Variants in BCL7C observed in about 807,000 individuals in gnomAD.
BCL7C encodes B-cell CLL/lymphoma 7 protein family member C.
In BCL7C, 8 loss-of-function variants were observed where a neutral mutation model predicts 26.2. The observed-to-expected ratio is 0.30, with a 90% CI of 0.18 to 0.55. BCL7C has a LOEUF of 0.55. Among genes scored for constraint, BCL7C ranks in the 20% least tolerant of loss-of-function variants. The pLI is 0.93. For missense variants in BCL7C, 262 were observed against 298.5 expected (o/e 0.88, Z 0.90); for synonymous variants, 90 against 116.5 (o/e 0.77, Z 1.47).
intron 5 of BCL7C, among the ~76,000 whole-genome samples, chr16:30,867,684 TCAGG>T (rs1395693645): frequency 4.6e-5 from 7 of 151,956 alleles, no homozygotes; most frequent in African/African-American, 1.7e-4. Context: ...TCCCAGCTAC[TCAGG>T]AGGCTGAGAC....
intron 5 of BCL7C, among the ~76,000 whole-genome samples, chr16:30,870,001 G>A (rs2054868938): frequency 6.6e-6 from 1 of 152,226 alleles, no homozygotes; most frequent in Non-Finnish European, 1.5e-5. Flanking sequence ...GAATCCATGT[G>A]TATGAATACA....
intron 5 of BCL7C, among the ~76,000 whole-genome samples, chr16:30,846,239 T>TATTTATTTA (rs1567308533): frequency 3.4e-5 from 5 of 148,630 alleles, no homozygotes; most frequent in African/African-American, 1.3e-4. Context: ...TTTATTTATT[T>TATTTATTTA]TTTGGAGATG....
intron 5 of BCL7C, among the ~76,000 whole-genome samples, chr16:30,850,992 A>G (rs1196129662): frequency 6.6e-6 from 1 of 152,246 alleles, no homozygotes; most frequent in Non-Finnish European, 1.5e-5. Flanking sequence ...AGGCTCAAAC[A>G]CATATTTATT....
At chr16:30,867,430 T>C (rs2054838451) in intron 5 of BCL7C, among the ~76,000 whole-genome samples, 2 of 152,062 alleles carry the variant, frequency 1.3e-5, no homozygotes, top group Non-Finnish European at 2.9e-5. Flanking sequence ...GTTTACATGG[T>C]GAAGGGATTT....
intron 5 of BCL7C, among the ~76,000 whole-genome samples, chr16:30,872,546 C>T (rs1360610352): frequency 3.3e-5 from 5 of 152,162 alleles, no homozygotes; most frequent in African/African-American, 1.2e-4. Context: ...AGGGTGAAAG[C>T]CCCAGTGGCA....
intron 5 of BCL7C, among the ~76,000 whole-genome samples, chr16:30,857,168 C>T (rs1028641209): frequency 3.9e-5 from 6 of 151,962 alleles, no homozygotes; most frequent in Non-Finnish European, 8.8e-5. Flanking sequence ...GCGGGCAGAT[C>T]ACATGAGGTC....
chr16:30,892,489 A>C, intron 4 of BCL7C, 97 bp downstream of exon 4: 2 of 1,309,580 alleles, frequency 1.5e-6, no homozygotes, highest in Non-Finnish European at 1.0e-6. Flanking sequence ...AGGAGGGTGC[A>C]CAAGACGGGG....
rs972410146 is a variant in BCL7C at position 30,860,701 on chromosome 16, C to T, written c.529-25553G>A. Among the ~76,000 whole-genome samples the T allele has an allele frequency of 1.1e-4, 17 of 152,144 alleles. 1 individual carries two copies. Among genetic ancestry groups the T allele is most frequent in the Admixed American group, 1.0e-3 (16 of 15,272 alleles). On this transcript the variant is annotated intron_variant, in intron 5 of 5. Coordinates refer to the BCL7C transcript ENST00000380317. Reference sequence around the variant, plus strand: ...TGGCTGACATCTAGGCATTCTTTTACACATCAGTCCCTCCCTAGTCTCTGC... The same window carrying T: ...TGGCTGACATCTAGGCATTCTTTTATACATCAGTCCCTCCCTAGTCTCTGC...
intron 5 of BCL7C, among the ~76,000 whole-genome samples, chr16:30,854,220 A>G (rs567332977): frequency 1.3e-5 from 2 of 152,358 alleles, no homozygotes; most frequent in South Asian, 2.1e-4. Flanking sequence ...GAATATCACC[A>G]GTAAAAGGAG....
intron 5 of BCL7C, among the ~76,000 whole-genome samples, chr16:30,863,039 T>G (rs1398856771): frequency 3.3e-5 from 5 of 152,134 alleles, no homozygotes; most frequent in African/African-American, 1.2e-4. Context: ...CAACTTGACC[T>G]TACTGTTTTA....
At chr16:30,879,979 G>C (rs1026237255) in intron 5 of BCL7C, among the ~76,000 whole-genome samples, 2 of 144,358 alleles carry the variant, frequency 1.4e-5, no homozygotes, top group African/African-American at 2.5e-5. Context: ...GACAGAGCGT[G>C]ATTCCGTCTC....
chr16:30,864,508 C>G (rs1180318160), intron 5 of BCL7C, among the ~76,000 whole-genome samples: 1 of 152,186 alleles, frequency 6.6e-6, no homozygotes, highest in Non-Finnish European at 1.5e-5. Flanking sequence ...TCAGTTTAAT[C>G]TCTCCCACTG....
At chr16:30,858,441 C>T (rs2054742814) in intron 5 of BCL7C, among the ~76,000 whole-genome samples, 1 of 152,130 alleles carries the variant, frequency 6.6e-6, no homozygotes, top group Non-Finnish European at 1.5e-5. Context: ...GACATGGGCT[C>T]TAAGTTTATG....
chr16:30,858,962 G>A (rs1289534340), intron 5 of BCL7C, among the ~76,000 whole-genome samples: 1 of 152,116 alleles, frequency 6.6e-6, no homozygotes, highest in Non-Finnish European at 1.5e-5. Context: ...ATCCTCTAAG[G>A]GTGCCCATCT....
chr16:30,874,222 C>A (rs1285442326), intron 5 of BCL7C, among the ~76,000 whole-genome samples: 1 of 151,964 alleles, frequency 6.6e-6, no homozygotes, highest in Non-Finnish European at 1.5e-5. Flanking sequence ...TCTTGAACTC[C>A]TGACCTCAAG....
intron 5 of BCL7C, among the ~76,000 whole-genome samples, chr16:30,858,839 A>C (rs984854981): frequency 2.6e-5 from 4 of 152,194 alleles, no homozygotes; most frequent in Non-Finnish European, 4.4e-5. Context: ...GACTCGCATG[A>C]CTAAAGATAA....
At chr16:30,866,063 T>C (rs2054824446) in intron 5 of BCL7C, among the ~76,000 whole-genome samples, 1 of 151,962 alleles carries the variant, frequency 6.6e-6, no homozygotes, top group Admixed American at 6.6e-5. Flanking sequence ...CAACAAATCC[T>C]CATAATAGAC....
At chr16:30,853,258 G>T (rs1343654954) in intron 5 of BCL7C, among the ~76,000 whole-genome samples, 1 of 152,066 alleles carries the variant, frequency 6.6e-6, no homozygotes, top group Non-Finnish European at 1.5e-5. Flanking sequence ...ATTTTAAAAA[G>T]TATATTTTTC....
At chr16:30,856,117 A>G (rs1299011438) in intron 5 of BCL7C, among the ~76,000 whole-genome samples, 2 of 150,424 alleles carry the variant, frequency 1.3e-5, no homozygotes, top group South Asian at 2.1e-4. Context: ...ATTTTTTTGC[A>G]TGTCTCATCA....
Sources: gnomAD v4.1 joint callset for allele counts (sites outside exome capture counted in the v4.1 genomes callset) on GRCh38, gnomAD v4.1.1 for gene constraint, MANE v1.5 for transcripts, NCBI Gene and HGNC (gene_info 2026-07-23, HGNC 2026-07-21) for gene names.